The following EXOC4 variants were observed in gnomAD, a reference collection of about 807,000 sequenced individuals.
EXOC4 encodes SEC8-like 1.
A neutral mutation model predicts 107.2 loss-of-function variants in EXOC4; 71 were observed. That is an observed-to-expected ratio of 0.66 (90% CI 0.55 to 0.81). The LOEUF is 0.81. Ranked by LOEUF, EXOC4 falls within the 30% of genes least tolerant of loss-of-function variation. The probability of loss-of-function intolerance (pLI) is 0.00; values close to 1 mark genes in which losing one functional copy is unlikely to be tolerated. For missense variants in EXOC4, 1,108 were observed against 1,189.6 expected (o/e 0.93, Z 1.01); for synonymous variants, 456 against 441.2 (o/e 1.03, Z -0.42).
chr7:133,480,536 A>G (rs776174622), intron 9 of EXOC4: 1 of 752,796 alleles, frequency 1.3e-6, no homozygotes, highest in South Asian at 4.3e-5. Flanking sequence ...GGAAAATGCA[A>G]CCACTGTCAT....
At chr7:133,604,682 T>TTTTC (rs1801887567) in intron 9 of EXOC4, among the ~76,000 whole-genome samples, 1 of 149,284 alleles carries the variant, frequency 6.7e-6, no homozygotes, top group South Asian at 2.1e-4. Context: ...ACTGATTTCT[T>TTTTC]TTTCTTTCCT....
chr7:133,743,208 T>C (rs1485693250), intron 10 of EXOC4, among the ~76,000 whole-genome samples: 2 of 152,132 alleles, frequency 1.3e-5, no homozygotes, highest in Non-Finnish European at 2.9e-5. Context: ...TCAAGGTAAT[T>C]AGGCTAAAGC....
At chr7:133,827,214 C>T (rs1797723183) in intron 11 of EXOC4, among the ~76,000 whole-genome samples, 2 of 152,156 alleles carry the variant, frequency 1.3e-5, no homozygotes, top group African/African-American at 4.8e-5. Context: ...TACAAAGGAA[C>T]TTGTCCTCGT....
At chr7:133,938,149 A>G (rs1419154048) in intron 14 of EXOC4, 80 bp downstream of exon 14, 2 of 1,437,256 alleles carry the variant, frequency 1.4e-6, no homozygotes, top group African/African-American at 2.8e-5. Context: ...GAGAGTGTAC[A>G]CTGGTCACCG....
chr7:133,814,844 A>C (rs569649217), intron 10 of EXOC4, among the ~76,000 whole-genome samples: 65 of 152,126 alleles, frequency 4.3e-4, no homozygotes, highest in Non-Finnish European at 8.4e-4. Context: ...GTTTTGATAA[A>C]TTTTTTTACT....
At chr7:133,814,718 G>A (rs181033399) in intron 10 of EXOC4, among the ~76,000 whole-genome samples, 227 of 152,232 alleles carry the variant, frequency 1.5e-3, no homozygotes, top group African/African-American at 5.4e-3. Context: ...TTGGCCAATT[G>A]CATTGTTGTA....
chr7:133,358,980 A>C lies in EXOC4; in HGVS notation c.1007+2407A>C, dbSNP rs552238113. On this transcript the variant is annotated intron_variant, in intron 6 of 17. Coordinates refer to ENST00000253861, the MANE Select transcript of EXOC4 (RefSeq NM_021807.4). Reference sequence around the variant, plus strand: ...ATTTTAGAAAGCTTTTGTAGGCAGGATATATTGGACACTAACAAGTGAATG... The same window carrying C: ...ATTTTAGAAAGCTTTTGTAGGCAGGCTATATTGGACACTAACAAGTGAATG... Among the ~76,000 whole-genome samples the C allele has an allele frequency of 2.3e-4, 35 of 152,274 alleles. 1 individual carries two copies. The South Asian group carries it at 4.6e-3, about 20-fold the overall frequency.
At chr7:133,770,542 G>T (rs1416861368) in intron 10 of EXOC4, among the ~76,000 whole-genome samples, 3 of 151,928 alleles carry the variant, frequency 2.0e-5, no homozygotes, top group Non-Finnish European at 4.4e-5. Flanking sequence ...AATCAGATTT[G>T]TATTCAGCAA....
chr7:133,401,549 C>T (rs1473789426), intron 7 of EXOC4, among the ~76,000 whole-genome samples: 2 of 151,412 alleles, frequency 1.3e-5, no homozygotes, highest in Admixed American at 6.6e-5. Context: ...GTAGTCCCAG[C>T]TACTTGGGAG....
intron 9 of EXOC4, among the ~76,000 whole-genome samples, chr7:133,550,306 T>G (rs1800560656): frequency 6.6e-6 from 1 of 152,226 alleles, no homozygotes; most frequent in Non-Finnish European, 1.5e-5. Context: ...AATCTCTGAC[T>G]CTAGCCTAAA....
chr7:133,543,566 T>C (rs1186629957), intron 9 of EXOC4, among the ~76,000 whole-genome samples: 1 of 152,186 alleles, frequency 6.6e-6, no homozygotes, highest in African/African-American at 2.4e-5. Context: ...GTTATCCTTA[T>C]GCTGTCATTT....
intron 11 of EXOC4, among the ~76,000 whole-genome samples, chr7:133,855,679 A>G (rs542157733): frequency 7.4e-4 from 112 of 152,300 alleles, no homozygotes; most frequent in African/African-American, 2.6e-3. Context: ...AAAAGCAACT[A>G]CTGATAAGAA....
At chr7:133,327,236 A>G (rs1288192249) in intron 5 of EXOC4, among the ~76,000 whole-genome samples, 2 of 152,228 alleles carry the variant, frequency 1.3e-5, no homozygotes, top group Non-Finnish European at 2.9e-5. Flanking sequence ...CTGTCCGACA[A>G]GCCCCAGTGA....
intron 7 of EXOC4, among the ~76,000 whole-genome samples, chr7:133,473,667 G>A (rs1004290199): frequency 1.3e-4 from 19 of 151,100 alleles, no homozygotes; most frequent in African/African-American, 4.4e-4. Flanking sequence ...CTTTATAGGC[G>A]AAGTGAGTTT....
rs888812924 is a variant in EXOC4 at position 133,514,228 on chromosome 7, G to A, written c.1417+34090G>A. On this transcript the variant is annotated intron_variant, in intron 9 of 17. Transcript: ENST00000253861. ...CGCCCAGGCTGGAGTGCATTGGCGCGATCTCAGCTCACTGCAGCCTCCACC... is the reference window on the plus strand; with the variant it reads ...CGCCCAGGCTGGAGTGCATTGGCGCAATCTCAGCTCACTGCAGCCTCCACC... Among the ~76,000 whole-genome samples the A allele has an allele frequency of 4.6e-5, 7 of 151,488 alleles. No individual in the cohort carries two copies. The East Asian group carries it at 5.8e-4, about 13-fold the overall frequency.
At chr7:133,474,076 G>A (rs1346366008) in intron 7 of EXOC4, among the ~76,000 whole-genome samples, 2 of 152,042 alleles carry the variant, frequency 1.3e-5, no homozygotes, top group African/African-American at 2.4e-5. Context: ...CACTTACATT[G>A]TGTTATTATT....
intron 1 of EXOC4, among the ~76,000 whole-genome samples, chr7:133,272,827 A>T (rs1289239765): frequency 2.0e-5 from 3 of 152,144 alleles, no homozygotes; most frequent in African/African-American, 7.2e-5. Context: ...TCTATTCCCT[A>T]AATAACTCCT....
At chr7:133,526,671 C>T (rs1800084500) in intron 9 of EXOC4, among the ~76,000 whole-genome samples, 1 of 152,108 alleles carries the variant, frequency 6.6e-6, no homozygotes. Flanking sequence ...ACTGTAGAAA[C>T]GTAATCAAAA....
intron 11 of EXOC4, among the ~76,000 whole-genome samples, chr7:133,833,542 C>T (rs1325284706): frequency 1.3e-5 from 2 of 152,130 alleles, no homozygotes; most frequent in African/African-American, 2.4e-5. Flanking sequence ...CTCTTGCTTC[C>T]AGCTTGCACA....
Sources: allele counts gnomAD v4.1 joint callset (sites outside exome capture counted in the v4.1 genomes callset), GRCh38; gene constraint gnomAD v4.1.1; transcripts MANE v1.5; gene names NCBI Gene and HGNC (gene_info 2026-07-23, HGNC 2026-07-21).